BAALC: variants seen among roughly 807,000 people sequenced by gnomAD.
BAALC encodes the protein brain and acute leukemia cytoplasmic protein.
Under a neutral mutation model 15.5 loss-of-function variants are expected in BAALC, and 9 were observed. The observed-to-expected ratio is 0.58, with a 90% CI of 0.35 to 1.02. The LOEUF (loss-of-function observed/expected upper bound fraction) is 1.02, where lower values mean the gene tolerates loss of function less well. BAALC is among the 50% of genes least tolerant of loss of function. The pLI is 0.02. For synonymous variants in BAALC, 80 were observed against 74.6 expected (o/e 1.07, Z -0.37); for missense variants, 201 against 192.4 (o/e 1.04, Z -0.27).
At chr8:103,156,200 T>C (rs1811086895) in intron 1 of BAALC, among the ~76,000 whole-genome samples, 1 of 152,236 alleles carries the variant, frequency 6.6e-6, no homozygotes, top group South Asian at 2.1e-4. Context: ...GTCCTAGCCC[T>C]CAGAAACATC....
chr8:103,141,148 A>AT (rs1211537061), intron 1 of BAALC, 91 bp downstream of exon 1: 1 of 1,320,792 alleles, frequency 7.6e-7, no homozygotes, highest in Non-Finnish European at 9.8e-7. Context: ...TCCCTGAGGA[A>AT]TTGATGGCGC....
At chr8:103,191,914 A>G (rs1811976635) in intron 1 of BAALC, among the ~76,000 whole-genome samples, 2 of 152,196 alleles carry the variant, frequency 1.3e-5, no homozygotes, top group African/African-American at 4.8e-5. Flanking sequence ...CAATTGCCGC[A>G]TTTCAGAAAT....
intron 1 of BAALC, among the ~76,000 whole-genome samples, chr8:103,162,609 G>T (rs924362692): frequency 6.6e-6 from 1 of 152,088 alleles, no homozygotes; most frequent in Admixed American, 6.5e-5. Context: ...TGCCTTTTAT[G>T]TCCTAGTCTC....
chr8:103,192,476 T>C (rs1357680843), intron 1 of BAALC, among the ~76,000 whole-genome samples: 3 of 152,262 alleles, frequency 2.0e-5, no homozygotes, highest in Non-Finnish European at 4.4e-5. Flanking sequence ...TGGCTATAGA[T>C]ACGGGATTAT....
chr8:103,158,675 C>A (rs2129896325), intron 1 of BAALC, among the ~76,000 whole-genome samples: 1 of 138,166 alleles, frequency 7.2e-6, no homozygotes, highest in African/African-American at 2.6e-5. Context: ...TACATATATA[C>A]AATACATACA....
intron 2 of BAALC, among the ~76,000 whole-genome samples, chr8:103,221,171 G>A (rs1812671054): frequency 2.0e-5 from 3 of 152,278 alleles, no homozygotes; most frequent in South Asian, 2.1e-4. Flanking sequence ...AGGTTATCAC[G>A]GTCAATCTGG....
Position 103,205,013 on chromosome 8 carries a change from G to C in BAALC, c.161-7906G>C, listed in dbSNP as rs143964407. On this transcript the variant is annotated intron_variant, in intron 1 of 2. Coordinates refer to ENST00000309982, the MANE Select transcript of BAALC (RefSeq NM_024812.3). ...TTGATGAACCAGAGTTTCACTGGCT[G>C]TGATTTTAGGAGATTCTTTCCATAT... Among the ~76,000 whole-genome samples the C allele has an allele frequency of 1.4e-3, 210 of 152,298 alleles. 1 individual carries two copies. Among genetic ancestry groups the C allele is most frequent in the African/African-American group, 4.9e-3 (205 of 41,574 alleles).
chr8:103,227,847 G>T, intron 2 of BAALC, 142 bp from the exon 3 acceptor site: 1 of 618,620 alleles, frequency 1.6e-6, no homozygotes, highest in Non-Finnish European at 2.8e-6. Context: ...GATCACAAAT[G>T]TTCCTGTGAT....
chr8:103,182,354 C>T (rs1238856261), intron 1 of BAALC, among the ~76,000 whole-genome samples: 1 of 152,158 alleles, frequency 6.6e-6, no homozygotes, highest in Admixed American at 6.5e-5. Context: ...GCCCAAATGG[C>T]TTTTATTGCT....
At chr8:103,146,407 A>C (rs1810882623) in intron 1 of BAALC, among the ~76,000 whole-genome samples, 1 of 152,098 alleles carries the variant, frequency 6.6e-6, no homozygotes, top group Admixed American at 6.5e-5. Context: ...AGCTGCCTTG[A>C]CTTACCTGTT....
intron 1 of BAALC, among the ~76,000 whole-genome samples, chr8:103,161,958 G>T (rs201319334): frequency 5.0e-5 from 2 of 39,966 alleles, no homozygotes; most frequent in South Asian, 6.3e-4. Flanking sequence ...TTCTTTGTTT[G>T]TTTTTTGTTT....
At chr8:103,190,760 G>C (rs1442132575) in intron 1 of BAALC, among the ~76,000 whole-genome samples, 1 of 152,200 alleles carries the variant, frequency 6.6e-6, no homozygotes, top group African/African-American at 2.4e-5. Context: ...AGATCTGAGT[G>C]TCTGCAGGGT....
chr8:103,142,485 T>G (rs2454013), intron 1 of BAALC, among the ~76,000 whole-genome samples: 76,205 of 152,050 alleles, frequency 0.5, 19,118 homozygotes, highest in East Asian at 0.56. Context: ...ATGAGCCTTT[T>G]AGAGGGACCT....
Position 103,141,516 on chromosome 8 carries a change from T to C in BAALC, c.160+459T>C, listed in dbSNP as rs963153327. 2.2e-4 allele frequency: 35 copies of C among 158,322 alleles called. 2 individuals carry two copies. Among genetic ancestry groups the C allele is most frequent in the South Asian group, 2.0e-4 (1 of 4,892 alleles). The allele number at this position is 158,322 out of a possible 1,614,324, so 9.8% of individuals were successfully genotyped here. ...TGGTGCCCCTCTCTCCCTGGATTTA[T>C]ACACAAGGCGCCTGCCTGGGATCGC... On this transcript the variant is annotated intron_variant, in intron 1 of 2. Coordinates refer to ENST00000309982, the MANE Select transcript of BAALC (RefSeq NM_024812.3).
chr8:103,184,285 T>G (rs1265729107), intron 1 of BAALC, among the ~76,000 whole-genome samples: 2 of 152,210 alleles, frequency 1.3e-5, no homozygotes, highest in African/African-American at 4.8e-5. Flanking sequence ...AATTCCCTTT[T>G]GCTGTGGAAC....
intron 1 of BAALC, among the ~76,000 whole-genome samples, chr8:103,170,609 G>A (rs185088108): frequency 3.9e-5 from 6 of 152,258 alleles, no homozygotes; most frequent in Non-Finnish European, 8.8e-5. Context: ...AGCTAGGAGA[G>A]GGTGTGGAAC....
At chr8:103,211,587 G>GT (rs1812447317) in intron 1 of BAALC, among the ~76,000 whole-genome samples, 1 of 151,950 alleles carries the variant, frequency 6.6e-6, no homozygotes, top group Non-Finnish European at 1.5e-5. Context: ...CTTTTTTGTG[G>GT]TGTTGGCCTT....
chr8:103,221,198 G>T (rs1303659387), intron 2 of BAALC, among the ~76,000 whole-genome samples: 7 of 152,172 alleles, frequency 4.6e-5, no homozygotes, highest in African/African-American at 1.7e-4. Context: ...TTGAGAAATG[G>T]CAGGCTACTT....
At chr8:103,199,765 AGTC>A (rs1189266216) in intron 1 of BAALC, among the ~76,000 whole-genome samples, 1 of 147,264 alleles carries the variant, frequency 6.8e-6, no homozygotes, top group African/African-American at 2.5e-5. Flanking sequence ...CCAGGTATTA[AGTC>A]TAGTACCCAT....
Sources: allele counts gnomAD v4.1 joint callset (sites outside exome capture counted in the v4.1 genomes callset), GRCh38; gene constraint gnomAD v4.1.1; transcripts MANE v1.5; gene names NCBI Gene and HGNC (gene_info 2026-07-23, HGNC 2026-07-21).